The following SNRPN variants were observed in gnomAD, a reference collection of about 807,000 sequenced individuals.
SNRPN encodes the protein small nuclear ribonucleoprotein polypeptide N.
SNRPN carries 7 observed loss-of-function variants against 25.2 expected under a neutral mutation model. The observed-to-expected ratio is 0.28, with a 90% confidence interval of 0.16 to 0.52. The LOEUF is 0.52. Among genes scored for constraint, SNRPN ranks in the 20% least tolerant of loss-of-function variants. The pLI, the probability that SNRPN is intolerant of heterozygous loss-of-function variation, is 0.96. For missense variants in SNRPN, 196 were observed against 322.5 expected, an observed-to-expected ratio of 0.61 and a Z score of 3.00; for synonymous variants, 124 against 110.6, an observed-to-expected ratio of 1.12 and a Z score of -0.76.
chr15:24,948,348 G>A (rs1400252680), intron 3 of SNRPN, among the ~76,000 whole-genome samples: 3 of 151,974 alleles, frequency 2.0e-5, no homozygotes, highest in East Asian at 1.9e-4. Flanking sequence ...TCCTGACCTC[G>A]TGATCTGCCC....
At chr15:24,927,500 T>TTTTTTTAC (rs2060486639) in intron 3 of SNRPN, among the ~76,000 whole-genome samples, 1 of 51,048 alleles carries the variant, frequency 2.0e-5, no homozygotes, top group Non-Finnish European at 4.8e-5. Context: ...TTTTTTTTTT[T>TTTTTTTAC]TTTTTTTTTT....
In SNRPN at chr15:24,832,872, C is replaced by T. The variant is rs181735476; in HGVS notation, c.-579+2967C>T. ...CTGTAATCCCAGCACTTTGGGAGGC[C>T]GAGGCGGGCGGACCACGAGGTCAGG... On this transcript the variant is annotated intron_variant, in intron 2 of 12. Transcript: ENST00000400100. Among the ~76,000 whole-genome samples the T allele has an allele frequency of 6.3e-4, 96 of 151,798 alleles. 3 individuals carry two copies. In the East Asian group the frequency reaches 0.017, roughly 26 times the overall value.
chr15:24,975,060 T>A, intron 4 of SNRPN: 1 of 686,212 alleles, frequency 1.5e-6, no homozygotes, highest in Admixed American at 2.1e-5. Context: ...CCTACATCAT[T>A]GTGGTTTGGT....
At chr15:24,916,081 C>T (rs543876941) in intron 2 of SNRPN, among the ~76,000 whole-genome samples, 48 of 149,496 alleles carry the variant, frequency 3.2e-4, no homozygotes, top group African/African-American at 1.1e-3. Context: ...AAGTGATTCT[C>T]CTGCCTCAGC....
chr15:24,967,856 C>T (rs1345893362), intron 2 of SNRPN, 76 bp from the exon 3 acceptor site: 1 of 1,127,690 alleles, frequency 8.9e-7, no homozygotes, highest in South Asian at 1.2e-5. Context: ...GTAAGGGTAC[C>T]TAGTTTTCTT....
chr15:24,886,220 T>A (rs553923904), intron 1 of SNRPN, among the ~76,000 whole-genome samples: 1 of 152,288 alleles, frequency 6.6e-6, no homozygotes, highest in East Asian at 1.9e-4. Context: ...ATCCCTTAAG[T>A]GATCATCCCA....
chr15:24,937,029 G>A (rs184078596), intron 3 of SNRPN, among the ~76,000 whole-genome samples: 10 of 152,226 alleles, frequency 6.6e-5, no homozygotes, highest in African/African-American at 2.4e-4. Context: ...TGGATCATGA[G>A]GTCAGGAGAT....
At position 24,918,889 on chromosome 15, in the gene SNRPN, CAT is replaced by C. The variant is rs1201882199; in HGVS notation, c.-504-1120_-504-1119del. On this transcript the variant is annotated intron_variant, in intron 2 of 11. Transcript: ENST00000400097. ...TATATATATGTGCATATATATATAA[CAT>C]AATATATATATGTGCACATATATAT... Among the ~76,000 whole-genome samples the C allele has an allele frequency of 7.3e-4, 54 of 73,734 alleles. 13 individuals carry two copies. Among genetic ancestry groups the C allele is most frequent in the Middle Eastern group, 9.8e-3 (1 of 102 alleles). The allele number at this position is 73,734 out of a possible 152,430, so 48.4% of individuals were successfully genotyped here. A position where few individuals can be genotyped will look rare whatever the true frequency, so the allele number is the denominator to read the frequency against.
upstream of SNRPN, among the ~76,000 whole-genome samples, chr15:24,953,465 A>C (rs1174100293): frequency 6.6e-6 from 1 of 152,174 alleles, no homozygotes; most frequent in African/African-American, 2.4e-5. Context: ...CTAAGATTAC[A>C]GGCATGTGCC....
chr15:24,899,455 A>T (rs1186681535), intron 2 of SNRPN, among the ~76,000 whole-genome samples: 2 of 152,184 alleles, frequency 1.3e-5, no homozygotes, highest in South Asian at 4.1e-4. Context: ...TGGACATTGT[A>T]AAAAGAGATT....
intron 3 of SNRPN, chr15:24,968,492 A>T (rs1243787346): frequency 6.4e-6 from 1 of 156,420 alleles, no homozygotes; most frequent in African/African-American, 2.4e-5. Context: ...AAATATGCAG[A>T]TGTGAAAATA....
upstream of SNRPN, among the ~76,000 whole-genome samples, chr15:24,854,027 A>T (rs1280887850): frequency 6.6e-6 from 1 of 152,178 alleles, no homozygotes; most frequent in Non-Finnish European, 1.5e-5. Context: ...TCATTTATTT[A>T]TATCAATATG....
In SNRPN at chr15:24,977,063, G is replaced by C. The variant is rs115147170; in HGVS notation, c.420+34G>C. ...CCAGCAGAGGGTTTTATATTATTGGGAGAATATGACTAAGCCGGAGGCCGA... is the reference window on the plus strand; with the variant it reads ...CCAGCAGAGGGTTTTATATTATTGGCAGAATATGACTAAGCCGGAGGCCGA... On this transcript the variant is annotated intron_variant, in intron 7 of 9. Transcript: ENST00000390687. 203 of 1,512,296 alleles carry C rather than the reference G, an allele frequency of 1.3e-4. No homozygotes were observed. In the African/African-American group the frequency reaches 2.6e-3, roughly 20 times the overall value. The allele number at this position is 1,512,296 out of a possible 1,614,324, so 93.7% of individuals were successfully genotyped here. A position where few individuals can be genotyped will look rare whatever the true frequency, so the allele number is the denominator to read the frequency against.
rs779863556 is a variant in SNRPN at position 24,978,166 on chromosome 15, C to T, written c.560-27C>T. On this transcript the variant is annotated intron_variant, in intron 8 of 9. Coordinates refer to ENST00000390687, the MANE Select transcript of SNRPN (RefSeq NM_003097.6). ...ACTTTTCTAAGCCATTTTATGAGGC[C>T]TTTATTTCTACCATTTTTCACTGTA... 32 of 1,605,436 alleles carry T rather than the reference C, an allele frequency of 2.0e-5. No individual in the cohort carries two copies. In the Admixed American group the frequency reaches 4.8e-4, roughly 24 times the overall value.
At chr15:24,977,681 G>A (rs1223136253) in intron 7 of SNRPN, 97 bp from the exon 8 acceptor site, 7 of 1,211,664 alleles carry the variant, frequency 5.8e-6, no homozygotes, top group South Asian at 1.6e-5. Context: ...TGCAACAGTT[G>A]TTTGTAACTA....
intron 4 of SNRPN, 57 bp downstream of exon 4, chr15:24,974,513 G>A: frequency 6.4e-7 from 1 of 1,562,098 alleles, no homozygotes; most frequent in Non-Finnish European, 8.8e-7. Flanking sequence ...GAAAGAAATA[G>A]TTTGCCAGCA....
At chr15:24,874,473 C>T (rs369540723) in intron 1 of SNRPN, among the ~76,000 whole-genome samples, 2 of 152,008 alleles carry the variant, frequency 1.3e-5, no homozygotes, top group African/African-American at 2.4e-5. Flanking sequence ...GTCTATCCAC[C>T]GTGGGTTTAT....
At chr15:24,928,027 G>C (rs879481599) in intron 3 of SNRPN, among the ~76,000 whole-genome samples, 23 of 152,134 alleles carry the variant, frequency 1.5e-4, no homozygotes, top group Non-Finnish European at 4.4e-5. Context: ...AAACCACAAT[G>C]AGATATCATC....
chr15:24,890,630 G>T (rs933680270), intron 2 of SNRPN, among the ~76,000 whole-genome samples: 10 of 152,120 alleles, frequency 6.6e-5, no homozygotes, highest in Admixed American at 2.0e-4. Context: ...AGTGAGCCGA[G>T]ATCGCGCCAT....
Sources: gnomAD v4.1 joint callset for allele counts (sites outside exome capture counted in the v4.1 genomes callset) on GRCh38, gnomAD v4.1.1 for gene constraint, MANE v1.5 for transcripts, NCBI Gene and HGNC (gene_info 2026-07-23, HGNC 2026-07-21) for gene names.